NF2: variants seen among roughly 807,000 people sequenced by gnomAD.
The protein encoded by NF2 is merlin.
Under a neutral mutation model 83.7 loss-of-function variants are expected in NF2, and 8 were observed. The observed-to-expected ratio is 0.10, with a 90% confidence interval of 0.06 to 0.17. The LOEUF is 0.17. Ranked by LOEUF, NF2 falls within the 10% of genes least tolerant of loss-of-function variation. The probability of loss-of-function intolerance (pLI) is 1.00; values close to 1 mark genes in which losing one functional copy is unlikely to be tolerated. For missense variants in NF2, 533 were observed against 744.4 expected, an observed-to-expected ratio of 0.72 and a Z score of 3.31; for synonymous variants, 266 against 269.6, an observed-to-expected ratio of 0.99 and a Z score of 0.13.
intron 15 of NF2, chr22:29,684,014 C>A: frequency 1.3e-6 from 1 of 749,118 alleles, no homozygotes; most frequent in Non-Finnish European, 1.7e-6. Context: ...GCAGTTTCTG[C>A]TCATAGAGTG....
In NF2 at chr22:29,603,638, C is replaced by T. The variant is rs1487822910; in HGVS notation, c.-361C>T. The T allele has an allele frequency of 4.9e-6, 2 of 407,708 alleles. No homozygotes were observed. The highest frequency in any genetic ancestry group is 3.6e-5 in the East Asian group (1 of 28,098). 25.3% of individuals were successfully genotyped at this position (407,708 alleles called of 1,614,324 possible). A position where few individuals can be genotyped will look rare whatever the true frequency, so the allele number is the denominator to read the frequency against. ...GCCCGATGCAGCGCGGCCCCGTGAC[C>T]CTAGTCGGCCGCTGAGAGGCGCGCG... is the stretch of plus-strand genomic sequence containing the variant. On this transcript the variant is annotated 5_prime_UTR_variant, in exon 1 of 16. Transcript: ENST00000338641.
intron 9 of NF2, among the ~76,000 whole-genome samples, 193 bp from the exon 10 acceptor site, chr22:29,668,140 G>A (rs563333338): frequency 1.3e-5 from 2 of 152,218 alleles, no homozygotes; most frequent in East Asian, 1.9e-4. Flanking sequence ...TATCTGAGGC[G>A]CCTTCATTTT....
intron 1 of NF2, among the ~76,000 whole-genome samples, chr22:29,627,802 G>C (rs2065405556): frequency 6.6e-6 from 1 of 152,040 alleles, no homozygotes; most frequent in South Asian, 2.1e-4. Flanking sequence ...GCTGTGATTT[G>C]TTTCTTACTA....
At position 29,604,072 on chromosome 22, in the gene NF2, G is replaced by A. The variant is rs1569259813; in HGVS notation, c.74G>A (p.Arg25Lys). Residue 25 changes from arginine (R) to lysine (K), a missense_variant, in exon 1 of 16, where the codon AGG becomes AAG. Physicochemically the swap from Arg to Lys is conservative, Grantham distance 26. Transcript: ENST00000338641. ...KRKQPKTFTV[R>K]IVTMDAEMEF... ...AAGCAACCCAAGACGTTCACCGTGA[G>A]GATCGTCACCATGGACGCCGAGATG... The A allele has an allele frequency of 6.2e-7, 1 of 1,607,960 alleles. No homozygotes were observed. The highest frequency in any genetic ancestry group is 8.5e-7 in the Non-Finnish European group (1 of 1,177,376).
chr22:29,617,010 C>T (rs916273896), intron 1 of NF2, among the ~76,000 whole-genome samples: 1 of 151,912 alleles, frequency 6.6e-6, no homozygotes, highest in African/African-American at 2.4e-5. Flanking sequence ...CTCACTGCAA[C>T]CTCTGTCACC....
chr22:29,683,580 T>G (rs934813817), intron 15 of NF2: 1 of 1,106,264 alleles, frequency 9.0e-7, no homozygotes, highest in Non-Finnish European at 1.1e-6. Flanking sequence ...TTTAGAGCTT[T>G]CCCTTTCTGC....
rs2065650284 is a variant in NF2 at position 29,636,486 on chromosome 22, GC to G, written c.115-264del. Among the ~76,000 whole-genome samples, 1 of 152,194 alleles carries G rather than the reference GC, an allele frequency of 6.6e-6. No homozygotes were observed. Among genetic ancestry groups the G allele is most frequent in the Non-Finnish European group, 1.5e-5 (1 of 68,040 alleles). ...ATTTACCAGCTTTCCTAAATTAGCA[GC>G]TTTGGAGATGTTAAAATCCGTAAGG... On this transcript the variant is annotated intron_variant, in intron 1 of 15. Transcript: ENST00000338641. This position sits in a 1 kb window ranked among gnomAD's most constrained non-coding sequence, Gnocchi z 4.4.
chr22:29,607,993 T>A lies in NF2; in HGVS notation c.114+3881T>A, dbSNP rs566745795. 4.8e-4 allele frequency among the ~76,000 whole-genome samples: 73 copies of A among 151,020 alleles called. No homozygotes were observed. In the East Asian group the frequency reaches 0.012, roughly 25 times the overall value. On this transcript the variant is annotated intron_variant, in intron 1 of 15. Coordinates refer to ENST00000338641, the MANE Select transcript of NF2 (RefSeq NM_000268.4). The stretch of plus-strand genomic sequence containing the variant: ...TTCGAGACCAGCCTGACCAACATGG[T>A]AAAACCCCGTCTCTGCTAAAAATAC...
chr22:29,629,045 A>AT (rs752493405), intron 1 of NF2, among the ~76,000 whole-genome samples: 32 of 151,700 alleles, frequency 2.1e-4, no homozygotes, highest in Admixed American at 7.2e-4. Context: ...GCTGTGATCT[A>AT]TTTTTTTTCC....
intron 6 of NF2, among the ~76,000 whole-genome samples, chr22:29,656,433 G>A (rs112225001): frequency 3.9e-5 from 4 of 102,204 alleles, no homozygotes; most frequent in African/African-American, 1.5e-4. Context: ...TTTTTTTTGA[G>A]ACGGAGTCTC....
At chr22:29,684,067 A>T in intron 15 of NF2, 4 of 309,794 alleles carry the variant, frequency 1.3e-5, no homozygotes, top group East Asian at 8.9e-5. Context: ...GAGATCTGGC[A>T]TAAGATAGAT....
Position 29,694,910 on chromosome 22 carries a change from TG to T in NF2, c.*111del. On this transcript the variant is annotated 3_prime_UTR_variant, in exon 16 of 16. Coordinates refer to ENST00000338641, the MANE Select transcript of NF2 (RefSeq NM_000268.4). This position sits in a 1 kb window ranked among gnomAD's most constrained non-coding sequence, Gnocchi z 4.1. ...ATAGGGAGCTGGCTGGGGGTTTCCG[TG>T]GGAGCTCCAGAACTTTCCCCAGCTG... is the stretch of plus-strand genomic sequence containing the variant. The T allele has an allele frequency of 8.4e-7, 1 of 1,196,054 alleles. No individual in the cohort carries two copies. Among genetic ancestry groups the T allele is most frequent in the Non-Finnish European group, 1.2e-6 (1 of 824,982 alleles). The allele number at this position is 1,196,054 out of a possible 1,614,324, so 74.1% of individuals were successfully genotyped here.
At chr22:29,663,580 G>A (rs1440133757) in intron 8 of NF2, among the ~76,000 whole-genome samples, 1 of 152,214 alleles carries the variant, frequency 6.6e-6, no homozygotes, top group Non-Finnish European at 1.5e-5. Context: ...CCCAATGACA[G>A]CTCCAGGGTT....
intron 3 of NF2, among the ~76,000 whole-genome samples, chr22:29,640,553 A>G (rs1245585002): frequency 6.6e-6 from 1 of 152,154 alleles, no homozygotes; most frequent in Non-Finnish European, 1.5e-5. Flanking sequence ...GGCCAGTTGC[A>G]GTGATTGGCA....
chr22:29,662,929 G>T, intron 8 of NF2, among the ~76,000 whole-genome samples: 1 of 152,148 alleles, frequency 6.6e-6, no homozygotes, highest in East Asian at 1.9e-4. Context: ...TTATGTTGCT[G>T]CCTGCAGAGC....
At chr22:29,623,801 G>A (rs2065275784) in intron 1 of NF2, among the ~76,000 whole-genome samples, 1 of 152,170 alleles carries the variant, frequency 6.6e-6, no homozygotes, top group Non-Finnish European at 1.5e-5. Flanking sequence ...CTTCTAGGCA[G>A]AGCTCCACCG....
At chr22:29,668,299 A>G (rs1263248093) in intron 9 of NF2, 34 bp from the exon 10 acceptor site, 1 of 1,532,788 alleles carries the variant, frequency 6.5e-7, no homozygotes, top group Non-Finnish European at 9.0e-7. Context: ...AAATTTGTGG[A>G]TATTAACCTT....
At chr22:29,609,910 T>TA (rs1372834320) in intron 1 of NF2, among the ~76,000 whole-genome samples, 1 of 152,212 alleles carries the variant, frequency 6.6e-6, no homozygotes, top group East Asian at 1.9e-4. Flanking sequence ...AAGGAAGTCT[T>TA]AATGTTTTTT....
intron 15 of NF2, among the ~76,000 whole-genome samples, chr22:29,685,458 G>T (rs1260098121): frequency 6.6e-6 from 1 of 151,230 alleles, no homozygotes; most frequent in African/African-American, 2.4e-5. Context: ...TTTGAGACAG[G>T]ATCTCACTCT....
Sources: allele counts gnomAD v4.1 joint callset (sites outside exome capture counted in the v4.1 genomes callset), GRCh38; gene constraint gnomAD v4.1.1; non-coding constraint Gnocchi (gnomAD v3.1); transcripts MANE v1.5; gene names NCBI Gene and HGNC (gene_info 2026-07-23, HGNC 2026-07-21).